TXNDC9: variants seen among roughly 807,000 people sequenced by gnomAD.
TXNDC9 encodes thioredoxin domain containing 9, also known as thioredoxin domain-containing protein 9.
Under a neutral mutation model 23.0 loss-of-function variants are expected in TXNDC9, and 7 were observed. The ratio of observed to expected loss-of-function variants is 0.30; its 90% CI spans 0.17 to 0.57. TXNDC9 has a LOEUF of 0.57. Ranked by LOEUF, TXNDC9 falls within the 20% of genes least tolerant of loss-of-function variation. The pLI, the probability that TXNDC9 is intolerant of heterozygous loss-of-function variation, is 0.90. For missense variants in TXNDC9, 198 were observed against 252.6 expected, an observed-to-expected ratio of 0.78 and a Z score of 1.47; for synonymous variants, 72 against 90.6, an observed-to-expected ratio of 0.79 and a Z score of 1.17.
intron 3 of TXNDC9, among the ~76,000 whole-genome samples, chr2:99,326,756 G>A (rs2094213502): frequency 6.6e-6 from 1 of 152,162 alleles, no homozygotes; most frequent in Non-Finnish European, 1.5e-5. Context: ...CTCTGCTCTG[G>A]TGAAAGGTTT....
chr2:99,335,419 C>T (rs748219093), intron 1 of TXNDC9, among the ~76,000 whole-genome samples: 11 of 152,298 alleles, frequency 7.2e-5, no homozygotes, highest in Middle Eastern at 6.8e-3. Context: ...ATGTATTTAA[C>T]GTTGAATGAA....
chr2:99,326,487 C>T (rs1394122706), intron 3 of TXNDC9, among the ~76,000 whole-genome samples: 2 of 152,150 alleles, frequency 1.3e-5, no homozygotes, highest in African/African-American at 4.8e-5. Flanking sequence ...ATGCTATTAG[C>T]AAGTTTTCTG....
At chr2:99,322,547 CG>C in intron 3 of TXNDC9, 2 of 1,497,114 alleles carry the variant, frequency 1.3e-6, no homozygotes, top group Non-Finnish European at 1.8e-6. Context: ...TGACAAAACT[CG>C]GAAGAGACTT....
chr2:99,328,241 G>A (rs915609782), intron 2 of TXNDC9, among the ~76,000 whole-genome samples: 10 of 148,180 alleles, frequency 6.7e-5, no homozygotes, highest in Admixed American at 6.2e-4. Flanking sequence ...GACCACTGGC[G>A]CATGCCACAC....
the TXNDC9 span, among the ~76,000 whole-genome samples, chr2:99,308,561 A>G: frequency 1.3e-5 from 2 of 151,866 alleles, no homozygotes; most frequent in African/African-American, 4.8e-5. Flanking sequence ...ATGGGCTGGA[A>G]TGTTGCTGTA....
chr2:99,322,354 C>T, intron 3 of TXNDC9, 145 bp from the exon 4 acceptor site: 1 of 1,280,206 alleles, frequency 7.8e-7, no homozygotes, highest in Non-Finnish European at 1.0e-6. Flanking sequence ...TGTCAGATGA[C>T]CTCACTTCCA....
chr2:99,322,043 C>G lies in TXNDC9; in HGVS notation c.475G>C (p.Val159Leu). ...GTATTTCCTAGGTCAGTAAACCCAACAACATAATCTTGTGTTTTCCCATCT... is the reference window on the plus strand; with the variant it reads ...GTATTTCCTAGGTCAGTAAACCCAAGAACATAATCTTGTGTTTTCCCATCT... Reference protein sequence around the residue: ...LKDGKTQDYVVGFTDLGNTDD... With the variant: ...LKDGKTQDYVLGFTDLGNTDD... The change falls in exon 4 of 5, where the codon GTT (valine) becomes CTT (leucine). Residue 159 changes from valine (V) to leucine (L), a missense_variant. Coordinates refer to ENST00000264255, the MANE Select transcript of TXNDC9 (RefSeq NM_005783.4). 6.2e-7 allele frequency: 1 copy of G among 1,614,134 alleles called. No individual in the cohort carries two copies. Among genetic ancestry groups the G allele is most frequent in the South Asian group, 1.1e-5 (1 of 91,080 alleles).
At chr2:99,306,362 C>T in the TXNDC9 span, among the ~76,000 whole-genome samples, 1 of 152,030 alleles carries the variant, frequency 6.6e-6, no homozygotes, top group Non-Finnish European at 1.5e-5. Context: ...AAGGACAAGC[C>T]AGGGACATGG....
rs528602849 is a variant in TXNDC9, at chr2:99,330,290, C to CA, written c.190-2638dup. Among the ~76,000 whole-genome samples the CA allele has an allele frequency of 3.8e-3, 106 of 28,160 alleles. 9 individuals are homozygous for CA. Among genetic ancestry groups the CA allele is most frequent in the South Asian group, 0.026 (10 of 380 alleles). The allele number at this position is 28,160 out of a possible 152,430, so 18.5% of individuals were successfully genotyped here. A position where few individuals can be genotyped will look rare whatever the true frequency, so the allele number is the denominator to read the frequency against. On this transcript the variant is annotated intron_variant, in intron 2 of 4. Transcript: ENST00000264255. ...GGGCAACAGAGCAAGACTCTTATCT[C>CA]AAAAAAAAAAAAAAAAAAAAAAAAA...
chr2:99,332,671 A>T, intron 2 of TXNDC9: 1 of 192,158 alleles, frequency 5.2e-6, no homozygotes, highest in Non-Finnish European at 1.1e-5. Context: ...CTCTTATCTC[A>T]TCTGTCTTAT....
chr2:99,319,655 A>G lies in TXNDC9; in HGVS notation c.*27T>C, dbSNP rs773520343. 2.0e-6 allele frequency: 3 copies of G among 1,504,670 alleles called. No homozygotes were observed. In the East Asian group the frequency reaches 6.8e-5, roughly 34 times the overall value. 93.2% of individuals were successfully genotyped at this position (1,504,670 alleles called of 1,614,324 possible). A position where few individuals can be genotyped will look rare whatever the true frequency, so the allele number is the denominator to read the frequency against. On this transcript the variant is annotated 3_prime_UTR_variant, in exon 5 of 5. Coordinates refer to ENST00000264255, the MANE Select transcript of TXNDC9 (RefSeq NM_005783.4). ...ATTTAAATCTGAAGCAGAAAAAAAAAGACAATTTACAAAGAATTATTGAGC... is the reference window on the plus strand; with the variant it reads ...ATTTAAATCTGAAGCAGAAAAAAAAGGACAATTTACAAAGAATTATTGAGC...
intron 2 of TXNDC9, among the ~76,000 whole-genome samples, chr2:99,329,402 G>A (rs1402236723): frequency 6.6e-6 from 1 of 152,170 alleles, no homozygotes. Flanking sequence ...TGTGACAGAG[G>A]TCTGAATCCA....
chr2:99,319,475 C>T lies in TXNDC9; in HGVS notation c.*207G>A. ...AAAAATAGAGAATCCAGACCCTTCC[C>T]AGATAATTTAAGAACTGAGTTTTCC... On this transcript the variant is annotated 3_prime_UTR_variant, in exon 5 of 5. Transcript: ENST00000264255. 1 of 444,970 alleles carries T rather than the reference C, an allele frequency of 2.2e-6. No homozygotes were observed. 27.6% of individuals were successfully genotyped at this position (444,970 alleles called of 1,614,324 possible).
chr2:99,325,725 G>A (rs907449215), intron 3 of TXNDC9, among the ~76,000 whole-genome samples: 1 of 152,100 alleles, frequency 6.6e-6, no homozygotes, highest in Non-Finnish European at 1.5e-5. Context: ...AAAAAAACAA[G>A]TGAGGCCGGG....
chr2:99,307,008 T>TCCCTCCCC, the TXNDC9 span, among the ~76,000 whole-genome samples: 4 of 78,110 alleles, frequency 5.1e-5, no homozygotes, highest in Admixed American at 1.6e-4. Context: ...TTCAATTCCC[T>TCCCTCCCC]CCCTCCCTTC....
At position 99,326,029 on chromosome 2, in the gene TXNDC9, C is replaced by CA. The variant is rs557671573; in HGVS notation, c.308+1505dup. Among the ~76,000 whole-genome samples the CA allele has an allele frequency of 4.6e-3, 667 of 143,780 alleles. 12 individuals carry two copies. The South Asian group carries it at 0.061, about 13-fold the overall frequency. The allele number at this position is 143,780 out of a possible 152,430, so 94.3% of individuals were successfully genotyped here. A position where few individuals can be genotyped will look rare whatever the true frequency, so the allele number is the denominator to read the frequency against. Reference sequence around the variant, plus strand: ...CTGTCTCAAAAACAAAAAAAAACAACAAAAAAAAAACAAGTGGACAAATAA... The same window carrying CA: ...CTGTCTCAAAAACAAAAAAAAACAACAAAAAAAAAAACAAGTGGACAAATAA... On this transcript the variant is annotated intron_variant, in intron 3 of 4. Coordinates refer to ENST00000264255, the MANE Select transcript of TXNDC9 (RefSeq NM_005783.4).
chr2:99,322,771 A>T, intron 3 of TXNDC9: 1 of 1,334,284 alleles, frequency 7.5e-7, no homozygotes, highest in Non-Finnish European at 9.7e-7. Flanking sequence ...TTTATTTTTT[A>T]TTTTTTTGGA....
intron 2 of TXNDC9, among the ~76,000 whole-genome samples, chr2:99,332,570 G>C (rs1027768668): frequency 1.3e-5 from 2 of 152,172 alleles, no homozygotes; most frequent in Non-Finnish European, 2.9e-5. Flanking sequence ...GGCCACCTTT[G>C]TTACAAAGCA....
chr2:99,317,365 C>T (rs186402611), downstream of TXNDC9, among the ~76,000 whole-genome samples: 327 of 152,268 alleles, frequency 2.1e-3, no homozygotes, highest in African/African-American at 6.8e-3. Flanking sequence ...CTACCCTCTG[C>T]CCTCCAGCGC....
Sources: gnomAD v4.1 joint callset for allele counts (sites outside exome capture counted in the v4.1 genomes callset) on GRCh38, gnomAD v4.1.1 for gene constraint, MANE v1.5 for transcripts, NCBI Gene and HGNC (gene_info 2026-07-23, HGNC 2026-07-21) for gene names.